MVK: variants seen among roughly 807,000 people sequenced by gnomAD.
MVK encodes LH receptor mRNA-binding protein.
MVK carries 34 observed loss-of-function variants against 43.2 expected under a neutral mutation model. The observed-to-expected ratio is 0.79, with a 90% CI of 0.60 to 1.05. The LOEUF is 1.05. MVK is among the 50% of genes least tolerant of loss of function. MVK has a pLI of 0.00. For missense variants in MVK, 395 were observed against 504.0 expected, an observed-to-expected ratio of 0.78 and a Z score of 2.07; for synonymous variants, 190 against 219.8, an observed-to-expected ratio of 0.86 and a Z score of 1.20.
chr12:109,582,239 G>A (rs757244487), intron 5 of MVK, among the ~76,000 whole-genome samples: 6 of 152,210 alleles, frequency 3.9e-5, no homozygotes, highest in Non-Finnish European at 7.3e-5. Flanking sequence ...TTGTGGATGA[G>A]GCCCCCAAAT....
chr12:109,574,116 A>C (rs1424088494), intron 1 of MVK, among the ~76,000 whole-genome samples: 1 of 152,212 alleles, frequency 6.6e-6, no homozygotes. Context: ...GTACACCTGA[A>C]TCTTAGCGTA....
chr12:109,594,006 C>T (rs1428241574), intron 9 of MVK, among the ~76,000 whole-genome samples: 1 of 151,962 alleles, frequency 6.6e-6, no homozygotes, highest in Non-Finnish European at 1.5e-5. Context: ...ACGTGAGCCA[C>T]CACACCCTGC....
chr12:109,582,393 G>T (rs1409744140), intron 5 of MVK, among the ~76,000 whole-genome samples: 1 of 152,116 alleles, frequency 6.6e-6, no homozygotes, highest in Non-Finnish European at 1.5e-5. Flanking sequence ...CTGGAGTGCA[G>T]TGGTGTGATC....
rs753131807 is a variant in MVK, at chr12:109,579,148, T to A, written c.227-654T>A. 1,184 of 371,584 alleles carry A rather than the reference T, an allele frequency of 3.2e-3. 9 individuals carry two copies. Among genetic ancestry groups the A allele is most frequent in the African/African-American group, 7.0e-3 (327 of 46,424 alleles). The allele number at this position is 371,584 out of a possible 1,614,324, so 23.0% of individuals were successfully genotyped here. A position where few individuals can be genotyped will look rare whatever the true frequency, so the allele number is the denominator to read the frequency against. ...GTTTTAAGACTACAATTTTTTTTTT[T>A]TTTTTTTTTGAGACAGGGTCTCACT... On this transcript the variant is annotated intron_variant, in intron 3 of 10. Transcript: ENST00000228510.
At chr12:109,594,102 A>AGGGGC (rs72648040) in intron 9 of MVK, among the ~76,000 whole-genome samples, 2 of 152,032 alleles carry the variant, frequency 1.3e-5, no homozygotes, top group African/African-American at 4.8e-5. Context: ...ACGACCAAAA[A>AGGGGC]GGGGCAGAGC....
chr12:109,587,239 T>C (rs940030091), intron 7 of MVK: 5 of 239,098 alleles, frequency 2.1e-5, no homozygotes, highest in African/African-American at 8.8e-5. Context: ...CACAGGACAA[T>C]GTGAGAGTCA....
At chr12:109,581,999 T>G (rs1375465931) in intron 5 of MVK, among the ~76,000 whole-genome samples, 1 of 152,196 alleles carries the variant, frequency 6.6e-6, no homozygotes, top group East Asian at 1.9e-4. Context: ...AACTAAGAGT[T>G]TGCTGAGAAA....
Position 109,596,295 on chromosome 12 carries a change from T to C in MVK, c.1040-131T>C. ...GGGCTGCAGGTAACCTTGGGCTTTATGGCCTGTTGGCTCAGGTGGGTCACA... is the reference window on the plus strand; with the variant it reads ...GGGCTGCAGGTAACCTTGGGCTTTACGGCCTGTTGGCTCAGGTGGGTCACA... On this transcript the variant is annotated intron_variant, in intron 10 of 10. Coordinates refer to ENST00000228510, the MANE Select transcript of MVK (RefSeq NM_000431.4). The C allele has an allele frequency of 2.3e-6, 3 of 1,329,470 alleles. No individual in the cohort carries two copies. In the African/African-American group the frequency reaches 4.3e-5, roughly 19 times the overall value. The allele number at this position is 1,329,470 out of a possible 1,614,324, so 82.4% of individuals were successfully genotyped here. A position where few individuals can be genotyped will look rare whatever the true frequency, so the allele number is the denominator to read the frequency against.
rs1244582888 is a variant in MVK at position 109,579,861 on chromosome 12, G to A, written c.286G>A (p.Gly96Ser). Reference sequence around the variant, plus strand: ...AGTGGAGAAGCTAAAGGAGGTTGCAGGCTTGCCTGACGACTGTGCTGTCAC... The same window carrying A: ...AGTGGAGAAGCTAAAGGAGGTTGCAAGCTTGCCTGACGACTGTGCTGTCAC... ...EQVEKLKEVA[G>S]LPDDCAVTER... The change falls in exon 4 of 11, where the codon GGC (glycine) becomes AGC (serine). Residue 96 changes from glycine (G) to serine (S), a missense_variant. Coordinates refer to ENST00000228510, the MANE Select transcript of MVK (RefSeq NM_000431.4). 2 of 1,614,280 alleles carry A rather than the reference G, an allele frequency of 1.2e-6. No individual in the cohort carries two copies. The highest frequency in any genetic ancestry group is 3.3e-5 in the Admixed American group (2 of 60,034).
chr12:109,595,222 C>T lies in MVK; in HGVS notation c.1039+41C>T, dbSNP rs1402663324. ...GTGGGCCAGGCTGCCAGCCTGGGCT[C>T]CTAAGAGGGGTCCACCTGGAGAATT... On this transcript the variant is annotated intron_variant, in intron 10 of 10. Coordinates refer to ENST00000228510, the MANE Select transcript of MVK (RefSeq NM_000431.4). The surrounding 1 kb of genome is among the most constrained non-coding windows in gnomAD (Gnocchi z 5.9). 2 of 1,611,346 alleles carry T rather than the reference C, an allele frequency of 1.2e-6. No individual in the cohort carries two copies. The highest frequency in any genetic ancestry group is 1.7e-6 in the Non-Finnish European group (2 of 1,179,488).
intron 5 of MVK, among the ~76,000 whole-genome samples, chr12:109,583,565 G>T (rs915245299): frequency 6.6e-6 from 1 of 152,202 alleles, no homozygotes; most frequent in Non-Finnish European, 1.5e-5. Flanking sequence ...ACACACGTGT[G>T]CATGTGTCTT....
At chr12:109,585,157 T>A (rs923490246) in intron 5 of MVK, among the ~76,000 whole-genome samples, 1 of 152,162 alleles carries the variant, frequency 6.6e-6, no homozygotes, top group Non-Finnish European at 1.5e-5. Context: ...TTGGGAGAGA[T>A]CCAGACATGG....
upstream of MVK, chr12:109,573,341 A>T: frequency 1.2e-6 from 2 of 1,612,954 alleles, no homozygotes; most frequent in Non-Finnish European, 1.7e-6. Flanking sequence ...CCCGCCAGCC[A>T]CTCACCTGTC....
chr12:109,587,967 T>C (rs939036672), intron 7 of MVK: 1 of 152,236 alleles, frequency 6.6e-6, no homozygotes, highest in Non-Finnish European at 1.5e-5. Context: ...AGACATTGCT[T>C]AGTGTCCCTT....
Position 109,596,549 on chromosome 12 carries a change from G to T in MVK, c.1163G>T (p.Arg388Leu). The T allele has an allele frequency of 6.2e-7, 1 of 1,611,446 alleles. No individual in the cohort carries two copies. ...SIHSATSLDSRVQQALDGL is the reference protein window; with the variant it reads ...SIHSATSLDSLVQQALDGL ...CACTCAGCCACCTCCCTGGACAGCC[G>T]AGTCCAGCAAGCCCTGGATGGCCTC... The change falls in exon 11 of 11, where the codon CGA becomes CTA. Residue 388 changes from arginine (R) to leucine (L), a missense_variant. Transcript: ENST00000228510.
intron 9 of MVK, among the ~76,000 whole-genome samples, chr12:109,593,710 A>C (rs1352345321): frequency 6.9e-6 from 1 of 145,164 alleles, no homozygotes. Flanking sequence ...CAGGGCAAAG[A>C]AGCAGATTTT....
At chr12:109,581,641 AGGTGAGAGGTGTCATAGT>A in intron 5 of MVK, 91 bp downstream of exon 5, 27 of 1,564,052 alleles carry the variant, frequency 1.7e-5, no homozygotes, top group Non-Finnish European at 2.4e-5. Flanking sequence ...CCTCCCTGTG[AGGTGAGAGGTGTCATAGT>A]GGCCATTTTA....
In MVK at chr12:109,573,871, C is replaced by T; in HGVS notation, c.-17C>T. ...GCGGCCGGGGAGGCGGCGGCGGCGG[C>T]AGGTGAGAGGCCGGGGTCGGGCGGC... On this transcript the variant is annotated splice_region_variant and 5_prime_UTR_variant, in exon 1 of 11. Coordinates refer to ENST00000228510, the MANE Select transcript of MVK (RefSeq NM_000431.4). The T allele has an allele frequency of 9.7e-6, 2 of 206,174 alleles. No homozygotes were observed. Among genetic ancestry groups the T allele is most frequent in the South Asian group, 7.8e-5 (1 of 12,836 alleles). The allele number at this position is 206,174 out of a possible 1,614,324, so 12.8% of individuals were successfully genotyped here.
chr12:109,590,348 C>T, intron 7 of MVK: 3 of 330,436 alleles, frequency 9.1e-6, no homozygotes, highest in East Asian at 1.5e-4. Context: ...CCTCCAGGCT[C>T]ACACAGGCTG....
Sources: gnomAD v4.1 joint callset for allele counts (sites outside exome capture counted in the v4.1 genomes callset) on GRCh38, gnomAD v4.1.1 for gene constraint, Gnocchi (gnomAD v3.1) non-coding constraint, MANE v1.5 for transcripts, NCBI Gene and HGNC (gene_info 2026-07-23, HGNC 2026-07-21) for gene names.